Variants in NBEAL1 observed in about 807,000 individuals in gnomAD.
NBEAL1 encodes the protein neurobeachin-like protein 1.
A neutral mutation model predicts 351.3 loss-of-function variants in NBEAL1; 273 were observed. The observed-to-expected ratio is 0.78, with a 90% CI of 0.70 to 0.86. The LOEUF (loss-of-function observed/expected upper bound fraction) is 0.86, where lower values mean the gene tolerates loss of function less well. NBEAL1 is among the 40% of genes least tolerant of loss of function. The pLI is 0.00. For synonymous variants in NBEAL1, 1,050 were observed against 1,086.4 expected (o/e 0.97, Z 0.66); for missense variants, 2,961 against 3,201.3 (o/e 0.92, Z 1.81).
intron 38 of NBEAL1, among the ~76,000 whole-genome samples, chr2:203,168,405 G>T (rs1334396122): frequency 6.6e-6 from 1 of 152,158 alleles, no homozygotes; most frequent in Non-Finnish European, 1.5e-5. Flanking sequence ...GGCCAACATG[G>T]TGAAACACCA....
Position 203,220,043 on chromosome 2 carries a change from G to C in NBEAL1, c.*2689G>C, listed in dbSNP as rs182393443. Among the ~76,000 whole-genome samples, 373 of 152,212 alleles carry C rather than the reference G, an allele frequency of 2.5e-3. No homozygotes were observed. The highest frequency in any genetic ancestry group is 4.4e-3 in the Non-Finnish European group (297 of 68,004). ...CACTAGATAAAATAATTGGAAAGAAGTACTTTTGAGAATTCTGGTATATTT... is the reference window on the plus strand; with the variant it reads ...CACTAGATAAAATAATTGGAAAGAACTACTTTTGAGAATTCTGGTATATTT... On this transcript the variant is annotated 3_prime_UTR_variant, in exon 56 of 56. Transcript: ENST00000683969.
intron 11 of NBEAL1, 82 bp downstream of exon 11, chr2:203,097,715 A>C: frequency 3.1e-6 from 1 of 323,390 alleles, no homozygotes; most frequent in African/African-American, 2.2e-5. Context: ...TTTTCTTCTT[A>C]TGTCCTAAAA....
chr2:203,186,284 C>T (rs1274380492), intron 44 of NBEAL1, among the ~76,000 whole-genome samples: 3 of 152,214 alleles, frequency 2.0e-5, no homozygotes, highest in Non-Finnish European at 2.9e-5. Flanking sequence ...TAAGTCAAGT[C>T]TGTGTGTGGA....
intron 25 of NBEAL1, 120 bp from the exon 26 acceptor site, chr2:203,131,853 A>G (rs1330989776): frequency 1.5e-6 from 1 of 645,834 alleles, no homozygotes; most frequent in Non-Finnish European, 2.5e-6. Flanking sequence ...CTAACATTAA[A>G]TATTAATGCT....
chr2:203,150,204 G>T (rs780644563), intron 34 of NBEAL1, among the ~76,000 whole-genome samples: 1 of 152,026 alleles, frequency 6.6e-6, no homozygotes, highest in Admixed American at 6.6e-5. Context: ...CAATTTCTCC[G>T]CATTCTTACT....
In NBEAL1 at chr2:203,194,695, T is replaced by A. The variant is rs368696935; in HGVS notation, c.7038+784T>A. Among the ~76,000 whole-genome samples the A allele has an allele frequency of 2.6e-4, 40 of 152,212 alleles. No individual in the cohort carries two copies. The South Asian group carries it at 7.7e-3, about 29-fold the overall frequency. On this transcript the variant is annotated intron_variant, in intron 47 of 55. Transcript: ENST00000683969. ...TATATAACCACTTAAAATGTAATCATCTAAAAATATAAAACCCATCCTTAG... is the reference window on the plus strand; with the variant it reads ...TATATAACCACTTAAAATGTAATCAACTAAAAATATAAAACCCATCCTTAG...
rs1370253465 is a variant in NBEAL1 at position 203,127,860 on chromosome 2, T to C, written c.3328T>C (p.Phe1110Leu). 5 of 1,550,006 alleles carry C rather than the reference T, an allele frequency of 3.2e-6. No homozygotes were observed. The highest frequency in any genetic ancestry group is 4.4e-6 in the Non-Finnish European group (5 of 1,143,670). Residue 1110 changes from phenylalanine to leucine, a missense_variant, in exon 24 of 56, where the codon TTT becomes CTT. Phe to Leu is a conservative substitution (Grantham distance 22). Coordinates refer to ENST00000683969, the MANE Select transcript of NBEAL1 (RefSeq NM_001378026.1). ...RTSLYGLIKY[F>L]LCKGGSHEEI... is the part of the protein sequence containing the mutation. The stretch of plus-strand genomic sequence containing the variant: ...TTCTTTGTATGGACTAATTAAATAT[T>C]TTCTGTGCAAAGGTGGATCTCATGA...
intron 34 of NBEAL1, among the ~76,000 whole-genome samples, chr2:203,150,080 A>G (rs1166856884): frequency 6.6e-6 from 1 of 152,136 alleles, no homozygotes; most frequent in Admixed American, 6.5e-5. Context: ...TAGACTATGA[A>G]TGGAATTACT....
rs2065922528 is a variant in NBEAL1 at position 203,218,704 on chromosome 2, C to A, written c.*1350C>A. On this transcript the variant is annotated 3_prime_UTR_variant, in exon 56 of 56. Transcript: ENST00000683969. ...ATTTTTCTTTTGCAATTTCGCTTTC[C>A]TGTTGACCACAGTATCCAGTGCCCT... is the stretch of plus-strand genomic sequence containing the variant. The A allele has an allele frequency of 6.6e-6, 1 of 152,124 alleles. No homozygotes were observed. The highest frequency in any genetic ancestry group is 2.4e-5 in the African/African-American group (1 of 41,430). 9.4% of individuals were successfully genotyped at this position (152,124 alleles called of 1,614,324 possible). A position where few individuals can be genotyped will look rare whatever the true frequency, so the allele number is the denominator to read the frequency against.
intron 37 of NBEAL1, among the ~76,000 whole-genome samples, 165 bp downstream of exon 37, chr2:203,166,462 A>G (rs903924766): frequency 5.3e-5 from 8 of 152,306 alleles, no homozygotes; most frequent in African/African-American, 1.9e-4. Flanking sequence ...TGTGGAAGGG[A>G]ATGCTTTTTA....
At chr2:203,075,308 C>A (rs1232996377) in intron 7 of NBEAL1, among the ~76,000 whole-genome samples, 1 of 151,958 alleles carries the variant, frequency 6.6e-6, no homozygotes, top group African/African-American at 2.4e-5. Context: ...AATAACATTC[C>A]TTGCCTTGAT....
chr2:203,088,576 T>A (rs1211492111), intron 10 of NBEAL1, among the ~76,000 whole-genome samples: 1 of 152,206 alleles, frequency 6.6e-6, no homozygotes, highest in Non-Finnish European at 1.5e-5. Flanking sequence ...CATGGAGTTA[T>A]ATCCTTCTAT....
intron 2 of NBEAL1, among the ~76,000 whole-genome samples, chr2:203,021,089 G>A (rs189296273): frequency 2.6e-5 from 4 of 152,096 alleles, no homozygotes; most frequent in Non-Finnish European, 5.9e-5. Context: ...ACCAGGCCCA[G>A]CTAAATTTTT....
At position 203,130,413 on chromosome 2, in the gene NBEAL1, C is replaced by G; in HGVS notation, c.3501C>G (p.Asp1167Glu). The change falls in exon 25 of 56, where the codon GAC (aspartate) becomes GAG (glutamate). Residue 1167 changes from aspartate (D) to glutamate (E), a missense_variant. Asp to Glu is a conservative substitution (Grantham distance 45). Transcript: ENST00000683969. ...TGCTTTTTGAACCAGGAAATGCTGACATACTGTACGCATTGCTCTTAAATC... is the reference window on the plus strand; with the variant it reads ...TGCTTTTTGAACCAGGAAATGCTGAGATACTGTACGCATTGCTCTTAAATC... ...FLLLFEPGNADILYALLLNQK... is the reference protein window; with the variant it reads ...FLLLFEPGNAEILYALLLNQK... 1 of 1,527,982 alleles carries G rather than the reference C, an allele frequency of 6.5e-7. No individual in the cohort carries two copies. Among genetic ancestry groups the G allele is most frequent in the Non-Finnish European group, 8.8e-7 (1 of 1,138,650 alleles). The allele number at this position is 1,527,982 out of a possible 1,614,324, so 94.7% of individuals were successfully genotyped here.
Position 203,107,737 on chromosome 2 carries a change from A to G in NBEAL1, c.1498A>G (p.Lys500Glu), listed in dbSNP as rs775112525. ...DLQIFISDWLKRICCINRQSR... is the reference protein window; with the variant it reads ...DLQIFISDWLERICCINRQSR... ...GCAAATCTTCATCTCTGATTGGCTG[A>G]AAAGAATTTGTTGTATTAATAGACA... Residue 500 changes from lysine to glutamate, a missense_variant, in exon 14 of 56, where the codon AAA becomes GAA. By Grantham distance (56) the Lys-to-Glu change is moderately conservative. Coordinates refer to ENST00000683969, the MANE Select transcript of NBEAL1 (RefSeq NM_001378026.1). The G allele has an allele frequency of 1.2e-5, 18 of 1,553,910 alleles. No individual in the cohort carries two copies. Among genetic ancestry groups the G allele is most frequent in the Admixed American group, 2.0e-5 (1 of 51,008 alleles).
intron 39 of NBEAL1, 106 bp from the exon 40 acceptor site, chr2:203,171,822 C>CTTTTTT: frequency 2.6e-6 from 1 of 381,730 alleles, no homozygotes; most frequent in Non-Finnish European, 4.7e-6. Context: ...CCTGTTGTAC[C>CTTTTTT]TTTTTTTTTT....
At chr2:203,193,726 T>A (rs1442036227) in intron 46 of NBEAL1, 69 bp from the exon 47 acceptor site, 1 of 1,035,026 alleles carries the variant, frequency 9.7e-7, no homozygotes, top group Non-Finnish European at 1.5e-6. Flanking sequence ...GCCTAGTGTA[T>A]ATGAAGGAAC....
Position 203,122,269 on chromosome 2 carries a change from A to T in NBEAL1, c.2608A>T (p.Ile870Phe). The change falls in exon 19 of 56, where the codon ATC (isoleucine) becomes TTC (phenylalanine). Residue 870 changes from isoleucine (I) to phenylalanine (F), a missense_variant. Transcript: ENST00000683969. ...TTATTCTTAGGCCTGCAAAAATTCA[A>T]TCTGTCTTGATTTATCTACTAATTG... ...YYTAKACKNSICLDLSTNCLH... is the reference protein window; with the variant it reads ...YYTAKACKNSFCLDLSTNCLH... 6.5e-7 allele frequency: 1 copy of T among 1,532,286 alleles called. No individual in the cohort carries two copies. The highest frequency in any genetic ancestry group is 8.8e-7 in the Non-Finnish European group (1 of 1,141,006). The allele number at this position is 1,532,286 out of a possible 1,614,324, so 94.9% of individuals were successfully genotyped here. A position where few individuals can be genotyped will look rare whatever the true frequency, so the allele number is the denominator to read the frequency against.
At chr2:203,116,101 G>A (rs960751501) in intron 18 of NBEAL1, 31 bp downstream of exon 18, 4 of 1,432,156 alleles carry the variant, frequency 2.8e-6, no homozygotes, top group Admixed American at 2.0e-5. Context: ...TGTCCATCTA[G>A]TTATAACTAT....
Sources: allele counts gnomAD v4.1 joint callset (sites outside exome capture counted in the v4.1 genomes callset), GRCh38; gene constraint gnomAD v4.1.1; transcripts MANE v1.5; gene names NCBI Gene and HGNC (gene_info 2026-07-23, HGNC 2026-07-21).